KRTAP10-9: variants seen among roughly 807,000 people sequenced by gnomAD.
KRTAP10-9 encodes keratin-associated protein 10-9.
In KRTAP10-9, 1 loss-of-function variant was observed where a neutral mutation model predicts 0.5. The observed-to-expected ratio is 1.92, with a 90% CI of 0.68 to 9.09. The LOEUF (loss-of-function observed/expected upper bound fraction) is 9.09, where lower values mean the gene tolerates loss of function less well. Ranked by LOEUF, KRTAP10-9 falls within the 30% of genes most tolerant of loss-of-function variation. The pLI, the probability that KRTAP10-9 is intolerant of heterozygous loss-of-function variation, is 0.13. For synonymous variants in KRTAP10-9, 199 were observed against 159.8 expected (o/e 1.25, Z -1.85); for missense variants, 391 against 376.4 (o/e 1.04, Z -0.32).
chr21:44,628,214 T>TC lies in KRTAP10-9; in HGVS notation c.*171dup, dbSNP rs57785959. The TC allele has an allele frequency of 3.4e-5, 25 of 740,622 alleles. No individual in the cohort carries two copies. The highest frequency in any genetic ancestry group is 2.7e-4 in the East Asian group (10 of 36,758). The allele number at this position is 740,622 out of a possible 1,614,324, so 45.9% of individuals were successfully genotyped here. ...GATGCTCACTGGCTCCTCCCTGACCTCCCCCCCGGGCAGGCGAGCCCTGGC... is the reference window on the plus strand; with the variant it reads ...GATGCTCACTGGCTCCTCCCTGACCTCCCCCCCCGGGCAGGCGAGCCCTGGC... On this transcript the variant is annotated 3_prime_UTR_variant, in exon 1 of 1. Coordinates refer to ENST00000397911, the MANE Select transcript of KRTAP10-9 (RefSeq NM_198690.3).
chr21:44,627,600 C>T lies in KRTAP10-9; in HGVS notation c.429C>T (p.Pro143=), dbSNP rs782691873. Residue 143 remains proline (P), a synonymous_variant, in exon 1 of 1, where the codon CCC becomes CCT. Coordinates refer to ENST00000397911, the MANE Select transcript of KRTAP10-9 (RefSeq NM_198690.3). The part of the protein sequence containing the change: ...SSSCQPACCV[P]VCCKPVCCAP... ...CCTGCCAGCCGGCCTGCTGTGTGCCCGTCTGCTGCAAACCTGTGTGCTGTG... is the reference window on the plus strand; with the variant it reads ...CCTGCCAGCCGGCCTGCTGTGTGCCTGTCTGCTGCAAACCTGTGTGCTGTG... 5.2e-5 allele frequency: 84 copies of T among 1,612,756 alleles called. No homozygotes were observed. The South Asian group carries it at 5.4e-4, about 10-fold the overall frequency.
Position 44,627,615 on chromosome 21 carries a change from T to G in KRTAP10-9, c.444T>G (p.Pro148=), listed in dbSNP as rs1479381263. The G allele has an allele frequency of 6.2e-7, 1 of 1,611,868 alleles. No homozygotes were observed. The highest frequency in any genetic ancestry group is 8.5e-7 in the Non-Finnish European group (1 of 1,179,282). Reference sequence around the variant, plus strand: ...GCTGTGTGCCCGTCTGCTGCAAACCTGTGTGCTGTGCGCCCACCTGCTCTG... The same window carrying G: ...GCTGTGTGCCCGTCTGCTGCAAACCGGTGTGCTGTGCGCCCACCTGCTCTG... The part of the protein sequence containing the change: ...PACCVPVCCK[P]VCCAPTCSED... The change falls in exon 1 of 1, where the codon CCT becomes CCG. Residue 148 remains proline, a synonymous_variant. Transcript: ENST00000397911.
chr21:44,627,572 C>T lies in KRTAP10-9; in HGVS notation c.401C>T (p.Ser134Phe). The T allele has an allele frequency of 6.2e-7, 1 of 1,613,408 alleles. No individual in the cohort carries two copies. Residue 134 changes from serine to phenylalanine, a missense_variant, in exon 1 of 1, where the codon TCC becomes TTC. Transcript: ENST00000397911. The part of the protein sequence containing the change: ...SSYQPACCAS[S>F]SCQPACCVPV... ...TACCAGCCAGCTTGCTGTGCCTCTT[C>T]CTCCTGCCAGCCGGCCTGCTGTGTG...
chr21:44,627,432 G>A lies in KRTAP10-9; in HGVS notation c.261G>A (p.Pro87=), dbSNP rs782247632. ...GCTGCCAGCAGTCTAGCTGCCAGCC[G>A]GCTTACTGCACCTCCTCCCCCTGCC... ...PSCCQQSSCQ[P]AYCTSSPCQQ... is the part of the protein sequence containing the mutation. Residue 87 remains proline (P), a synonymous_variant, in exon 1 of 1, where the codon CCG becomes CCA. Transcript: ENST00000397911. 34 of 1,613,190 alleles carry A rather than the reference G, an allele frequency of 2.1e-5. No individual in the cohort carries two copies. Among genetic ancestry groups the A allele is most frequent in the South Asian group, 6.6e-5 (6 of 91,016 alleles).
At chr21:44,627,255 GC>G in exon 1 of KRTAP10-9, 10 of 1,612,712 alleles carry the variant, frequency 6.2e-6, no homozygotes, top group Admixed American at 1.7e-5. Flanking sequence ...GCTGCTGTGA[GC>G]CCCCCTGCTG....
rs1555934747 is a variant in KRTAP10-9, at chr21:44,627,616, G to T, written c.445G>T (p.Val149Leu). ...CTGTGTGCCCGTCTGCTGCAAACCT[G>T]TGTGCTGTGCGCCCACCTGCTCTGA... ...ACCVPVCCKP[V>L]CCAPTCSEDS... Residue 149 changes from valine (V) to leucine (L), a missense_variant, in exon 1 of 1, where the codon GTG becomes TTG. Coordinates refer to ENST00000397911, the MANE Select transcript of KRTAP10-9 (RefSeq NM_198690.3). The T allele has an allele frequency of 9.9e-6, 16 of 1,611,794 alleles. No homozygotes were observed. Among genetic ancestry groups the T allele is most frequent in the Non-Finnish European group, 1.4e-5 (16 of 1,179,368 alleles).
At position 44,627,177 on chromosome 21, in the gene KRTAP10-9, C is replaced by A. The variant is rs782605371; in HGVS notation, c.6C>A (p.Ala2=). The stretch of plus-strand genomic sequence containing the variant: ...CACCTCCTCCCCACCCCAGCATGGC[C>A]GCGTCCACCATGTCCATCCGCTCCA... M[A]ASTMSIRSSA... The change falls in exon 1 of 1, where the codon GCC becomes GCA. Residue 2 remains alanine (A), a synonymous_variant. Coordinates refer to ENST00000397911, the MANE Select transcript of KRTAP10-9 (RefSeq NM_198690.3). The A allele has an allele frequency of 3.1e-5, 50 of 1,612,104 alleles. No homozygotes were observed. The South Asian group carries it at 5.3e-4, about 17-fold the overall frequency.
Position 44,627,452 on chromosome 21 carries a change from C to T in KRTAP10-9, c.281C>T (p.Pro94Leu). 6.2e-7 allele frequency: 1 copy of T among 1,608,332 alleles called. No individual in the cohort carries two copies. Among genetic ancestry groups the T allele is most frequent in the Non-Finnish European group, 8.5e-7 (1 of 1,176,992 alleles). Residue 94 changes from proline (P) to leucine (L), a missense_variant, in exon 1 of 1, where the codon CCC (proline) becomes CTC (leucine). By Grantham distance (98) the Pro-to-Leu change is moderately conservative. Coordinates refer to ENST00000397911, the MANE Select transcript of KRTAP10-9 (RefSeq NM_198690.3). The part of the protein sequence containing the change: ...SCQPAYCTSS[P>L]CQQACCVPVC... ...CAGCCGGCTTACTGCACCTCCTCCCCCTGCCAGCAGGCCTGCTGCGTGCCC... is the reference window on the plus strand; with the variant it reads ...CAGCCGGCTTACTGCACCTCCTCCCTCTGCCAGCAGGCCTGCTGCGTGCCC...
chr21:44,627,243 G>T lies in KRTAP10-9; in HGVS notation c.72G>T (p.Glu24Asp). Residue 24 changes from glutamate to aspartate, a missense_variant, in exon 1 of 1, where the codon GAG becomes GAT. Glu to Asp is a conservative substitution (Grantham distance 45). Transcript: ENST00000397911. ...CCTGGCAGGTGGACGACTGCCCAGA[G>T]AGCTGCTGTGAGCCCCCCTGCTGCG... ...SDSWQVDDCP[E>D]SCCEPPCCAT... 6.2e-7 allele frequency: 1 copy of T among 1,612,732 alleles called. No individual in the cohort carries two copies. The highest frequency in any genetic ancestry group is 8.5e-7 in the Non-Finnish European group (1 of 1,179,992).
intron 1 of KRTAP10-9, chr21:44,627,936 CT>C: frequency 6.6e-7 from 1 of 1,518,972 alleles, no homozygotes; most frequent in Non-Finnish European, 8.9e-7. Context: ...CCCCCACCTC[CT>C]CCCGCCAGCC....
rs782448109 is a variant in KRTAP10-9 at position 44,627,609 on chromosome 21, C to T, written c.438C>T (p.Cys146=). Residue 146 remains cysteine (C), a synonymous_variant, in exon 1 of 1, where the codon TGC becomes TGT. Transcript: ENST00000397911. The part of the protein sequence containing the change: ...CQPACCVPVC[C]KPVCCAPTCS... ...CGGCCTGCTGTGTGCCCGTCTGCTG[C>T]AAACCTGTGTGCTGTGCGCCCACCT... 1 of 1,612,888 alleles carries T rather than the reference C, an allele frequency of 6.2e-7. No homozygotes were observed. The highest frequency in any genetic ancestry group is 2.2e-5 in the East Asian group (1 of 44,852).
chr21:44,627,727 G>A lies in KRTAP10-9; in HGVS notation c.556G>A (p.Val186Ile), dbSNP rs781935623. 1.9e-6 allele frequency: 3 copies of A among 1,594,582 alleles called. No homozygotes were observed. The highest frequency in any genetic ancestry group is 1.1e-5 in the South Asian group (1 of 89,338). Reference sequence around the variant, plus strand: ...CTGCCAGCAGTCCTACTGTGTGCCTGTCTGCTGTAAGCCTGTCTGCTGCAA... The same window carrying A: ...CTGCCAGCAGTCCTACTGTGTGCCTATCTGCTGTAAGCCTGTCTGCTGCAA... ...SPCQQSYCVP[V>I]CCKPVCCKPI... is the part of the protein sequence containing the mutation. Residue 186 changes from valine to isoleucine, a missense_variant, in exon 1 of 1, where the codon GTC becomes ATC. By Grantham distance (29) the Val-to-Ile change is conservative. Transcript: ENST00000397911.
rs782749525 is a variant in KRTAP10-9, at chr21:44,627,738, G to T, written c.567G>T (p.Lys189Asn). 6.3e-7 allele frequency: 1 copy of T among 1,594,912 alleles called. No individual in the cohort carries two copies. Among genetic ancestry groups the T allele is most frequent in the Non-Finnish European group, 8.6e-7 (1 of 1,167,394 alleles). Reference protein sequence around the residue: ...QQSYCVPVCCKPVCCKPICCV... With the variant: ...QQSYCVPVCCNPVCCKPICCV... ...CCTACTGTGTGCCTGTCTGCTGTAAGCCTGTCTGCTGCAAACCCATCTGCT... is the reference window on the plus strand; with the variant it reads ...CCTACTGTGTGCCTGTCTGCTGTAATCCTGTCTGCTGCAAACCCATCTGCT... The change falls in exon 1 of 1, where the codon AAG (lysine) becomes AAT (asparagine). Residue 189 changes from lysine (K) to asparagine (N), a missense_variant. By Grantham distance (94) the Lys-to-Asn change is moderately conservative. Coordinates refer to ENST00000397911, the MANE Select transcript of KRTAP10-9 (RefSeq NM_198690.3).
chr21:44,628,068 G>A lies in KRTAP10-9; in HGVS notation c.*18G>A, dbSNP rs782427632. The A allele has an allele frequency of 3.1e-6, 5 of 1,599,312 alleles. No individual in the cohort carries two copies. Among genetic ancestry groups the A allele is most frequent in the Non-Finnish European group, 3.4e-6 (4 of 1,171,938 alleles). ...GCTGCTGACGGTCATGTCCCCCAGG[G>A]CCAGCCGGGCTCAGGCCCCACCTCC... On this transcript the variant is annotated 3_prime_UTR_variant, in exon 1 of 1. Transcript: ENST00000397911.
At chr21:44,628,033 C>T in intron 1 of KRTAP10-9, 2 of 1,612,750 alleles carry the variant, frequency 1.2e-6, no homozygotes, top group Admixed American at 1.7e-5. Context: ...CTCCTCAGGC[C>T]AGAAGTCCAG....
At position 44,627,096 on chromosome 21, in the gene KRTAP10-9, C is replaced by T; in HGVS notation, c.-76C>T. ...GCCTGAGAGCCCCAAGAACCTCACACACTCACAAACTCACTCACTGACACA... is the reference window on the plus strand; with the variant it reads ...GCCTGAGAGCCCCAAGAACCTCACATACTCACAAACTCACTCACTGACACA... On this transcript the variant is annotated 5_prime_UTR_variant, in exon 1 of 1. Coordinates refer to ENST00000397911, the MANE Select transcript of KRTAP10-9 (RefSeq NM_198690.3). The T allele has an allele frequency of 6.4e-7, 1 of 1,563,962 alleles. No individual in the cohort carries two copies. Among genetic ancestry groups the T allele is most frequent in the Non-Finnish European group, 8.7e-7 (1 of 1,151,844 alleles).
At position 44,627,971 on chromosome 21, in the gene KRTAP10-9, G is replaced by C. The variant is rs201944389; in HGVS notation, c.800G>C (p.Cys267Ser). 1.1e-3 allele frequency: 1,722 copies of C among 1,519,690 alleles called. 6 individuals are homozygous for C. Among genetic ancestry groups the C allele is most frequent in the Non-Finnish European group, 1.4e-3 (1,562 of 1,118,216 alleles). 94.1% of individuals were successfully genotyped at this position (1,519,690 alleles called of 1,614,324 possible). ...RQPSYCRQAS[C>S]VSLLCRPVCS... ...CCCAGCTATTGCCGCCAGGCCTCCT[G>C]TGTGTCCCTTCTCTGCCGCCCTGTG... is the stretch of plus-strand genomic sequence containing the variant. Residue 267 changes from cysteine to serine, a missense_variant, in exon 1 of 1, where the codon TGT becomes TCT. Transcript: ENST00000397911.
At position 44,627,094 on chromosome 21, in the gene KRTAP10-9, C is replaced by T; in HGVS notation, c.-78C>T. ...AAGCCTGAGAGCCCCAAGAACCTCA[C>T]ACACTCACAAACTCACTCACTGACA... On this transcript the variant is annotated 5_prime_UTR_variant, in exon 1 of 1. Coordinates refer to ENST00000397911, the MANE Select transcript of KRTAP10-9 (RefSeq NM_198690.3). The T allele has an allele frequency of 1.3e-6, 2 of 1,563,266 alleles. No individual in the cohort carries two copies. Among genetic ancestry groups the T allele is most frequent in the East Asian group, 2.3e-5 (1 of 44,418 alleles).
At position 44,627,193 on chromosome 21, in the gene KRTAP10-9, A is replaced by G. The variant is rs193155432; in HGVS notation, c.22A>G (p.Ile8Val). 9.3e-4 allele frequency: 1,497 copies of G among 1,611,816 alleles called. 12 individuals are homozygous for G. The African/African-American group carries it at 0.018, about 19-fold the overall frequency. ...CAGCATGGCCGCGTCCACCATGTCC[A>G]TCCGCTCCAGCGCTTACTCCGACTC... MAASTMS[I>V]RSSAYSDSWQ... is the part of the protein sequence containing the mutation. The change falls in exon 1 of 1, where the codon ATC becomes GTC. Residue 8 changes from isoleucine (I) to valine (V), a missense_variant. Physicochemically the swap from Ile to Val is conservative, Grantham distance 29. Transcript: ENST00000397911.
Sources: gnomAD v4.1 joint callset for allele counts on GRCh38, gnomAD v4.1.1 for gene constraint, MANE v1.5 for transcripts, NCBI Gene and HGNC (gene_info 2026-07-23, HGNC 2026-07-21) for gene names.